The following LARGE1 variants were observed in gnomAD, a reference collection of about 807,000 sequenced individuals.
LARGE1 encodes LARGE xylosyl- and glucuronyltransferase 1.
LARGE1 carries 43 observed loss-of-function variants against 87.6 expected under a neutral mutation model. The ratio of observed to expected loss-of-function variants is 0.49; its 90% CI spans 0.38 to 0.63. The LOEUF (loss-of-function observed/expected upper bound fraction) is 0.63. Among genes scored for constraint, LARGE1 ranks in the 30% least tolerant of loss-of-function variants. The probability of loss-of-function intolerance (pLI) is 0.00; values close to 1 mark genes in which losing one functional copy is unlikely to be tolerated. For missense variants in LARGE1, 802 were observed against 1,000.2 expected, an observed-to-expected ratio of 0.80 and a Z score of 2.67; for synonymous variants, 434 against 394.6, an observed-to-expected ratio of 1.10 and a Z score of -1.18.
the LARGE1 span, among the ~76,000 whole-genome samples, chr22:33,084,308 C>T: frequency 6.6e-6 from 1 of 152,038 alleles, no homozygotes; most frequent in African/African-American, 2.4e-5. Context: ...TAGTTTTCTG[C>T]TTGAAGGAAG....
At chr22:33,707,155 G>C (rs1385165567) in intron 2 of LARGE1, among the ~76,000 whole-genome samples, 2 of 152,202 alleles carry the variant, frequency 1.3e-5, no homozygotes, top group Non-Finnish European at 2.9e-5. Context: ...GGCTACTAAA[G>C]ATGTGGGAGG....
chr22:33,856,668 T>G (rs973569211), intron 1 of LARGE1: 7 of 152,242 alleles, frequency 4.6e-5, no homozygotes, highest in Non-Finnish European at 8.8e-5. Context: ...ATCGCCCTGC[T>G]GAAAAACGGC....
At chr22:33,697,164 A>C (rs1424343287) in intron 2 of LARGE1, among the ~76,000 whole-genome samples, 1 of 152,106 alleles carries the variant, frequency 6.6e-6, no homozygotes, top group African/African-American at 2.4e-5. Flanking sequence ...AGCATGAACA[A>C]GGGATGTTAT....
intron 3 of LARGE1, among the ~76,000 whole-genome samples, chr22:33,635,977 G>A (rs1276636738): frequency 1.3e-5 from 2 of 152,152 alleles, no homozygotes; most frequent in African/African-American, 4.8e-5. Context: ...ATGGGTTCCA[G>A]GGCCTGCTGT....
chr22:33,633,582 C>T (rs184777881), intron 3 of LARGE1, among the ~76,000 whole-genome samples: 2 of 152,244 alleles, frequency 1.3e-5, no homozygotes, highest in Admixed American at 6.5e-5. Context: ...CAACACCCTG[C>T]CAGCCCTGCT....
chr22:33,759,472 T>C (rs558267720), intron 2 of LARGE1, among the ~76,000 whole-genome samples: 1 of 152,234 alleles, frequency 6.6e-6, no homozygotes, highest in African/African-American at 2.4e-5. Flanking sequence ...ATCCCCCCCA[T>C]CTGTAAAACA....
At chr22:33,290,760 T>A (rs1054937667) in intron 12 of LARGE1, among the ~76,000 whole-genome samples, 3 of 152,056 alleles carry the variant, frequency 2.0e-5, no homozygotes, top group African/African-American at 7.2e-5. Context: ...CCTTCCCAGC[T>A]AGGCGCGGTG....
chr22:33,716,946 C>G (rs113838726), intron 2 of LARGE1, among the ~76,000 whole-genome samples: 3 of 152,272 alleles, frequency 2.0e-5, no homozygotes, highest in Middle Eastern at 3.4e-3. Context: ...ACCAAGATCT[C>G]GTTACATATC....
At chr22:33,873,170 G>A (rs1419778769) in intron 1 of LARGE1, 1 of 152,288 alleles carries the variant, frequency 6.6e-6, no homozygotes, top group Non-Finnish European at 1.5e-5. Context: ...TTGGCCAGAT[G>A]ATCTGGAGCT....
At chr22:33,663,238 G>A (rs1246947413) in intron 2 of LARGE1, among the ~76,000 whole-genome samples, 1 of 152,154 alleles carries the variant, frequency 6.6e-6, no homozygotes, top group Non-Finnish European at 1.5e-5. Context: ...AAGATAACAT[G>A]TTACCAAGAG....
intron 1 of LARGE1, among the ~76,000 whole-genome samples, chr22:33,762,959 A>G (rs2084785091): frequency 6.6e-6 from 1 of 152,170 alleles, no homozygotes; most frequent in African/African-American, 2.4e-5. Flanking sequence ...CAAGGAACAG[A>G]TGTCTATAAA....
chr22:33,198,027 A>G (rs376644880), intron 11 of LARGE1, among the ~76,000 whole-genome samples: 1 of 152,176 alleles, frequency 6.6e-6, no homozygotes, highest in African/African-American at 2.4e-5. Flanking sequence ...TTATATCTAT[A>G]TAAAACATTG....
At chr22:33,760,685 G>T (rs2084695778) in intron 2 of LARGE1, among the ~76,000 whole-genome samples, 1 of 152,142 alleles carries the variant, frequency 6.6e-6, no homozygotes, top group Non-Finnish European at 1.5e-5. Context: ...ACTTTTGGAG[G>T]CCAAGGTGGG....
At chr22:33,112,058 G>A in the LARGE1 span, among the ~76,000 whole-genome samples, 5 of 152,222 alleles carry the variant, frequency 3.3e-5, no homozygotes, top group Non-Finnish European at 7.3e-5. Flanking sequence ...AGAGAAGGGA[G>A]GAGCCATTGA....
At chr22:33,472,635 G>C (rs2068893933) in intron 6 of LARGE1, among the ~76,000 whole-genome samples, 2 of 152,162 alleles carry the variant, frequency 1.3e-5, no homozygotes, top group South Asian at 4.1e-4. Context: ...ACTTTCAAAT[G>C]TCTCAGCAGA....
intron 1 of LARGE1, among the ~76,000 whole-genome samples, chr22:33,910,771 CA>C (rs1265729192): frequency 6.6e-6 from 1 of 151,946 alleles, no homozygotes; most frequent in Non-Finnish European, 1.5e-5. Flanking sequence ...TTGGATCCAG[CA>C]AAAAAAGCAG....
At chr22:33,561,169 G>A (rs1366127072) in intron 6 of LARGE1, among the ~76,000 whole-genome samples, 1 of 152,210 alleles carries the variant, frequency 6.6e-6, no homozygotes, top group Non-Finnish European at 1.5e-5. Flanking sequence ...ACGTGCTTAA[G>A]AAATGGTAGT....
At chr22:33,226,410 A>T (rs1390760420) in intron 11 of LARGE1, among the ~76,000 whole-genome samples, 3 of 152,210 alleles carry the variant, frequency 2.0e-5, no homozygotes, top group Non-Finnish European at 2.9e-5. Flanking sequence ...GTGCAAAAAC[A>T]AAATGAGGAC....
At chr22:33,524,538 C>T (rs2071784224) in intron 6 of LARGE1, among the ~76,000 whole-genome samples, 1 of 152,028 alleles carries the variant, frequency 6.6e-6, no homozygotes, top group South Asian at 2.1e-4. Flanking sequence ...CCCCTCATCA[C>T]TTTCCCATGC....
Sources: allele counts gnomAD v4.1 joint callset (sites outside exome capture counted in the v4.1 genomes callset), GRCh38; gene constraint gnomAD v4.1.1; transcripts MANE v1.5; gene names NCBI Gene and HGNC (gene_info 2026-07-23, HGNC 2026-07-21).